Variants in RFPL1 observed in about 807,000 individuals in gnomAD.
The protein encoded by RFPL1 is ret finger protein-like 1.
A neutral mutation model predicts 9.6 loss-of-function variants in RFPL1; 6 were observed. The ratio of observed to expected loss-of-function variants is 0.62; its 90% confidence interval spans 0.34 to 1.23. The LOEUF is 1.23. RFPL1 is among the 50% of genes most tolerant of loss of function. RFPL1 has a pLI of 0.03. For missense variants in RFPL1, 352 were observed against 398.4 expected, an observed-to-expected ratio of 0.88 and a Z score of 0.99; for synonymous variants, 145 against 149.4, an observed-to-expected ratio of 0.97 and a Z score of 0.22.
rs1203825356 is a variant in RFPL1 at position 29,439,178 on chromosome 22, A to C, written c.373+14A>C. 1 of 1,610,206 alleles carries C rather than the reference A, an allele frequency of 6.2e-7. No homozygotes were observed. ...GGAAGTTCCAAGGTGAGGGATCTGT[A>C]TACACTGCCCCCTTCCTACGACCAG... is the stretch of plus-strand genomic sequence containing the variant. On this transcript the variant is annotated intron_variant, in intron 1 of 1. Coordinates refer to ENST00000354373, the Ensembl canonical transcript of RFPL1.
the RFPL1 span, among the ~76,000 whole-genome samples, chr22:29,391,935 T>C: frequency 2.0e-5 from 3 of 151,636 alleles, no homozygotes; most frequent in African/African-American, 7.3e-5. Context: ...GGAGAGGGGG[T>C]GACAGAGGAG....
chr22:29,400,673 C>T, the RFPL1 span, among the ~76,000 whole-genome samples: 1 of 152,204 alleles, frequency 6.6e-6, no homozygotes, highest in Non-Finnish European at 1.5e-5. Context: ...GTTCCCACAT[C>T]TCTCTTTTCA....
At chr22:29,424,241 A>G in the RFPL1 span, among the ~76,000 whole-genome samples, 27,413 of 152,084 alleles carry the variant, frequency 0.18, 2,539 homozygotes, top group African/African-American at 0.19. Context: ...TTCAACAAAA[A>G]TTTACTGAGC....
At chr22:29,397,904 A>G in the RFPL1 span, among the ~76,000 whole-genome samples, 1 of 152,190 alleles carries the variant, frequency 6.6e-6, no homozygotes, top group African/African-American at 2.4e-5. Context: ...GGCCATGTCC[A>G]AGGGGACAAT....
exon 2 of RFPL1, chr22:29,442,037 A>G: frequency 6.2e-7 from 1 of 1,613,978 alleles, no homozygotes; most frequent in Non-Finnish European, 8.5e-7. Flanking sequence ...AGTCCACCTA[A>G]TGGTGATAAG....
chr22:29,441,755 T>C, exon 2 of RFPL1: 1 of 1,613,732 alleles, frequency 6.2e-7, no homozygotes, highest in Non-Finnish European at 8.5e-7. Flanking sequence ...GACCTGGGAG[T>C]CTGCAGAGAA....
the RFPL1 span, among the ~76,000 whole-genome samples, chr22:29,413,265 C>T: frequency 6.6e-6 from 1 of 151,894 alleles, no homozygotes; most frequent in South Asian, 2.1e-4. Context: ...GCCCAGCAGC[C>T]ACATGTTTAT....
the RFPL1 span, among the ~76,000 whole-genome samples, chr22:29,397,845 C>T: frequency 9.7e-4 from 148 of 152,272 alleles, 1 homozygote; most frequent in African/African-American, 3.3e-3. Flanking sequence ...GACTTCATGA[C>T]ACCCAGACTC....
At chr22:29,405,117 T>C in the RFPL1 span, among the ~76,000 whole-genome samples, 1 of 152,300 alleles carries the variant, frequency 6.6e-6, no homozygotes, top group East Asian at 1.9e-4. Context: ...ATATATCAAA[T>C]GTCACAGCTC....
the RFPL1 span, among the ~76,000 whole-genome samples, chr22:29,397,033 G>T: frequency 6.9e-6 from 1 of 144,102 alleles, no homozygotes; most frequent in East Asian, 2.2e-4. Context: ...CAGTCCTCCC[G>T]AATGGCTGGG....
chr22:29,421,182 C>G, the RFPL1 span, among the ~76,000 whole-genome samples: 2 of 152,142 alleles, frequency 1.3e-5, no homozygotes, highest in African/African-American at 4.8e-5. Flanking sequence ...ACTCACTTTG[C>G]TTTCCTAAAC....
At chr22:29,426,480 A>G in the RFPL1 span, among the ~76,000 whole-genome samples, 2 of 151,668 alleles carry the variant, frequency 1.3e-5, no homozygotes, top group Non-Finnish European at 2.9e-5. Context: ...GGCTGGGTGC[A>G]GTGGCTCACA....
chr22:29,423,034 TC>T, the RFPL1 span: 1 of 934,212 alleles, frequency 1.1e-6, no homozygotes, highest in African/African-American at 1.6e-5. Flanking sequence ...AGGCCTTCAT[TC>T]CCACCCCTAC....
At chr22:29,389,848 G>A in the RFPL1 span, among the ~76,000 whole-genome samples, 1 of 151,706 alleles carries the variant, frequency 6.6e-6, no homozygotes, top group Non-Finnish European at 1.5e-5. Flanking sequence ...GCCCGGACTG[G>A]AGTGCAGTGT....
chr22:29,438,613 G>A, exon 1 of RFPL1: 1 of 1,440,354 alleles, frequency 6.9e-7, no homozygotes. Context: ...TCAGTTGCTG[G>A]GTCACCAGTA....
the RFPL1 span, among the ~76,000 whole-genome samples, chr22:29,432,026 T>C: frequency 2.0e-5 from 3 of 152,164 alleles, no homozygotes; most frequent in East Asian, 5.8e-4. Flanking sequence ...ATTCTCTTTT[T>C]CTCATACCTC....
the RFPL1 span, chr22:29,432,874 G>C: frequency 1.3e-5 from 2 of 152,176 alleles, no homozygotes; most frequent in African/African-American, 4.8e-5. Flanking sequence ...AAGTGAAAGA[G>C]CCTAAAGGAG....
chr22:29,403,592 A>G, the RFPL1 span, among the ~76,000 whole-genome samples: 1 of 152,210 alleles, frequency 6.6e-6, no homozygotes, highest in African/African-American at 2.4e-5. Flanking sequence ...GACCTGAAAT[A>G]GGCTGACTTG....
At chr22:29,438,502 T>C (rs1384509277), upstream of RFPL1, 24 of 972,648 alleles carry the variant, frequency 2.5e-5, no homozygotes, top group Middle Eastern at 3.8e-4. Context: ...CTAATTCTTA[T>C]GTTCATCAAT....
Sources: gnomAD v4.1 joint callset for allele counts (sites outside exome capture counted in the v4.1 genomes callset) on GRCh38, gnomAD v4.1.1 for gene constraint, MANE v1.5 for transcripts, NCBI Gene and HGNC (gene_info 2026-07-23, HGNC 2026-07-21) for gene names.